Variants in ATP4B observed in about 807,000 individuals in gnomAD.
ATP4B encodes potassium-transporting ATPase subunit beta.
ATP4B carries 27 observed loss-of-function variants against 35.3 expected under a neutral mutation model. That is an observed-to-expected ratio of 0.76 (90% CI 0.56 to 1.05). The LOEUF is 1.05. ATP4B is among the 50% of genes least tolerant of loss of function. The probability of loss-of-function intolerance (pLI) is 0.00; values close to 1 mark genes in which losing one functional copy is unlikely to be tolerated. For missense variants in ATP4B, 375 were observed against 384.8 expected (o/e 0.97, Z 0.21); for synonymous variants, 162 against 156.0 (o/e 1.04, Z -0.29).
chr13:113,649,765 T>A lies in ATP4B; in HGVS notation c.715-230A>T, dbSNP rs1192128950. Among the ~76,000 whole-genome samples the A allele has an allele frequency of 2.6e-5, 4 of 152,156 alleles. No individual in the cohort carries two copies. The highest frequency in any genetic ancestry group is 4.4e-5 in the Non-Finnish European group (3 of 68,030). On this transcript the variant is annotated intron_variant, in intron 6 of 6. Transcript: ENST00000335288. This position sits in a 1 kb window ranked among gnomAD's most constrained non-coding sequence, Gnocchi z 4.7. ...AGACAATACCAGGAGTAAATTCAGC[T>A]TCAAACTCTTACGATGATTAACGTA...
At chr13:113,655,922 C>T (rs1158043528) in intron 1 of ATP4B, among the ~76,000 whole-genome samples, 1 of 152,228 alleles carries the variant, frequency 6.6e-6, no homozygotes, top group African/African-American at 2.4e-5. Context: ...TGTGGACTGC[C>T]TGCCCTCTTC....
At position 113,658,056 on chromosome 13, in the gene ATP4B, A is replaced by T; in HGVS notation, c.89T>A (p.Leu30Gln). ...YCWNPDTGQMLGRTLSRWVWI... is the reference protein window; with the variant it reads ...YCWNPDTGQMQGRTLSRWVWI... Reference sequence around the variant, plus strand: ...ACCCCACCGGGACAGGGTGCGGCCCAGCATCTGCCCCGTGTCCGGGTTCCA... The same window carrying T: ...ACCCCACCGGGACAGGGTGCGGCCCTGCATCTGCCCCGTGTCCGGGTTCCA... The change falls in exon 1 of 7, where the codon CTG becomes CAG. Residue 30 changes from leucine (L) to glutamine (Q), a missense_variant. Coordinates refer to ENST00000335288, the MANE Select transcript of ATP4B (RefSeq NM_000705.4). The T allele has an allele frequency of 1.9e-6, 3 of 1,607,652 alleles. No homozygotes were observed. Among genetic ancestry groups the T allele is most frequent in the Non-Finnish European group, 2.5e-6 (3 of 1,177,932 alleles).
At position 113,653,394 on chromosome 13, in the gene ATP4B, C is replaced by G; in HGVS notation, c.282G>C (p.Leu94=). ...TATCAGAGACGTTGTAGACAATTTC[C>G]AGGCCTTTCTCCCCGTAAACATCCG... ...LRPDVYGEKG[L]EIVYNVSDNR... Residue 94 remains leucine, a synonymous_variant, in exon 3 of 7, where the codon CTG becomes CTC. Coordinates refer to ENST00000335288, the MANE Select transcript of ATP4B (RefSeq NM_000705.4). 1.9e-6 allele frequency: 3 copies of G among 1,614,226 alleles called. No homozygotes were observed. In the African/African-American group the frequency reaches 4.0e-5, roughly 22 times the overall value.
In ATP4B at chr13:113,650,483, G is replaced by T. The variant is rs1455606660; in HGVS notation, c.637C>A (p.Pro213Thr). The T allele has an allele frequency of 1.2e-6, 2 of 1,613,526 alleles. No individual in the cohort carries two copies. The highest frequency in any genetic ancestry group is 2.2e-5 in the East Asian group (1 of 44,880). Residue 213 changes from proline (P) to threonine (T), a missense_variant, in exon 6 of 7, where the codon CCG becomes ACG. Physicochemically the swap from Pro to Thr is conservative, Grantham distance 38. Coordinates refer to ENST00000335288, the MANE Select transcript of ATP4B (RefSeq NM_000705.4). The surrounding 1 kb of genome is among the most constrained non-coding windows in gnomAD (Gnocchi z 5.0). ...GGAGGGTAGTACTTGACCTGCAGCG[G>T]CTGGCCGAGCTCGCGGGGCTGGTCC... The part of the protein sequence containing the change: ...FLDQPRELGQ[P>T]LQVKYYPPNG...
Position 113,649,347 on chromosome 13 carries a change from G to A in ATP4B, c.*27C>T, listed in dbSNP as rs750144083. On this transcript the variant is annotated 3_prime_UTR_variant, in exon 7 of 7. Transcript: ENST00000335288. This position sits in a 1 kb window ranked among gnomAD's most constrained non-coding sequence, Gnocchi z 4.7. ...GGTGTCCTTGAGCGACCCCGCAGGC[G>A]TGCCCAGGACCCCTGCGCAAACCGT... The A allele has an allele frequency of 1.3e-4, 206 of 1,578,168 alleles. No individual in the cohort carries two copies. The highest frequency in any genetic ancestry group is 2.2e-4 in the Middle Eastern group (1 of 4,456).
At chr13:113,653,181 A>G (rs2049726292) in intron 3 of ATP4B, 109 bp from the exon 4 acceptor site, 2 of 1,433,004 alleles carry the variant, frequency 1.4e-6, no homozygotes, top group Admixed American at 4.3e-5. Flanking sequence ...GAAATAGAAA[A>G]GGCCGAAGCT....
In ATP4B at chr13:113,649,507, G is replaced by A. The variant is rs75187049; in HGVS notation, c.743C>T (p.Ala248Val). 26,704 of 1,542,878 alleles carry A rather than the reference G, an allele frequency of 0.017. 1,999 individuals are homozygous for A. In the African/African-American group the frequency reaches 0.23, roughly 13 times the overall value. The change falls in exon 7 of 7, where the codon GCG (alanine) becomes GTG (valine). Residue 248 changes from alanine to valine, a missense_variant. Ala to Val is a moderately conservative substitution (Grantham distance 64). Transcript: ENST00000335288. The surrounding 1 kb of genome is among the most constrained non-coding windows in gnomAD (Gnocchi z 4.7). ...GTTCCTGGGGATGTTGAGGAGCTTC[G>A]CTGCCACCAGGGGGTTGCTGTAGTG... ...QPHYSNPLVAAKLLNIPRNAE... is the reference protein window; with the variant it reads ...QPHYSNPLVAVKLLNIPRNAE...
At chr13:113,652,309 T>C (rs532093695) in intron 4 of ATP4B, among the ~76,000 whole-genome samples, 1 of 152,238 alleles carries the variant, frequency 6.6e-6, no homozygotes, top group African/African-American at 2.4e-5. Flanking sequence ...CCGTGAGGTG[T>C]AGAGGGCACA....
chr13:113,653,168 C>T, intron 3 of ATP4B, 96 bp from the exon 4 acceptor site: 1 of 1,469,920 alleles, frequency 6.8e-7, no homozygotes, highest in African/African-American at 1.4e-5. Context: ...GCGAGTTTCT[C>T]ATGAAATAGA....
At chr13:113,653,159 C>T (rs967073339) in intron 3 of ATP4B, 87 bp from the exon 4 acceptor site, 18 of 1,489,372 alleles carry the variant, frequency 1.2e-5, no homozygotes, top group Admixed American at 1.2e-4. Context: ...GCCCTGAGTG[C>T]GAGTTTCTCA....
intron 5 of ATP4B, among the ~76,000 whole-genome samples, chr13:113,651,431 C>G (rs1424264176): frequency 6.6e-6 from 1 of 152,240 alleles, no homozygotes; most frequent in African/African-American, 2.4e-5. Context: ...GCTGCTGACA[C>G]GCTACTCAGA....
intron 4 of ATP4B, among the ~76,000 whole-genome samples, chr13:113,652,519 G>C (rs2049720088): frequency 6.6e-6 from 1 of 152,234 alleles, no homozygotes; most frequent in Non-Finnish European, 1.5e-5. Context: ...TGCTTTAGAA[G>C]GTGCTAAACC....
intron 5 of ATP4B, 34 bp downstream of exon 5, chr13:113,651,637 G>A: frequency 6.4e-7 from 1 of 1,563,536 alleles, no homozygotes; most frequent in Non-Finnish European, 8.7e-7. Flanking sequence ...CTCCTTTCCT[G>A]GGGCAGCCCT....
At chr13:113,651,819 C>G (rs948552947) in intron 4 of ATP4B, 92 bp from the exon 5 acceptor site, 16 of 1,470,974 alleles carry the variant, frequency 1.1e-5, no homozygotes, top group Non-Finnish European at 1.5e-5. Flanking sequence ...ATCTGGCCGG[C>G]CCCAGCCTGG....
chr13:113,652,622 C>G (rs1053708851), intron 4 of ATP4B: 2 of 573,202 alleles, frequency 3.5e-6, no homozygotes, highest in East Asian at 6.5e-5. Flanking sequence ...GCAGAGACCC[C>G]TGTTCAAATG....
intron 1 of ATP4B, among the ~76,000 whole-genome samples, chr13:113,657,261 C>G (rs1296824138): frequency 1.3e-5 from 2 of 152,160 alleles, no homozygotes; most frequent in Non-Finnish European, 2.9e-5. Flanking sequence ...TCCCTGGGAG[C>G]CGGGGACGGC....
At position 113,653,979 on chromosome 13, in the gene ATP4B, A is replaced by G. The variant is rs149659900; in HGVS notation, c.242-545T>C. On this transcript the variant is annotated intron_variant, in intron 2 of 6. Coordinates refer to ENST00000335288, the MANE Select transcript of ATP4B (RefSeq NM_000705.4). ...AGATGCAGAAACGTGTGTTTACTGC[A>G]GGTCCTTAGGAACAGCCCGCCATCC... Among the ~76,000 whole-genome samples the G allele has an allele frequency of 1.1e-4, 16 of 152,178 alleles. 1 individual carries two copies. The East Asian group carries it at 3.1e-3, about 30-fold the overall frequency.
At chr13:113,655,082 ACCCCGTCC>A in intron 1 of ATP4B, 140 bp from the exon 2 acceptor site, 1 of 1,171,456 alleles carries the variant, frequency 8.5e-7, no homozygotes, top group Non-Finnish European at 1.2e-6. Context: ...CAAAACAGAA[ACCCCGTCC>A]CCACAAACAG....
At chr13:113,655,285 G>A (rs557940868) in intron 1 of ATP4B, among the ~76,000 whole-genome samples, 203 of 152,298 alleles carry the variant, frequency 1.3e-3, no homozygotes, top group African/African-American at 4.5e-3. Flanking sequence ...AGGAACCGAG[G>A]GCCCTCTGAG....
Sources: allele counts gnomAD v4.1 joint callset (sites outside exome capture counted in the v4.1 genomes callset), GRCh38; gene constraint gnomAD v4.1.1; non-coding constraint Gnocchi (gnomAD v3.1); transcripts MANE v1.5; gene names NCBI Gene and HGNC (gene_info 2026-07-23, HGNC 2026-07-21).